Variants in SLC35D4 observed in about 807,000 individuals in gnomAD.
SLC35D4 encodes UDP-N-acetylglucosamine transporter SLC35D4.
the SLC35D4 span, chr18:23,371,431 G>A: frequency 1.3e-6 from 2 of 1,591,704 alleles, no homozygotes; most frequent in Non-Finnish European, 8.5e-7. Context: ...CCTACACAGA[G>A]TAAGTGAATT....
the SLC35D4 span, chr18:23,430,780 A>T: frequency 9.0e-7 from 1 of 1,112,468 alleles, no homozygotes. Flanking sequence ...ACATAACCTA[A>T]GTAAATTCAA....
chr18:23,310,214 C>T, the SLC35D4 span: 34 of 985,400 alleles, frequency 3.5e-5, 1 homozygote, highest in South Asian at 1.6e-3. Context: ...TCTCTCCGTC[C>T]TCACCTAATG....
the SLC35D4 span, among the ~76,000 whole-genome samples, chr18:23,414,331 AAGGCAGGCAGGC>A: frequency 1.4e-5 from 2 of 140,450 alleles, no homozygotes; most frequent in African/African-American, 5.5e-5. Flanking sequence ...GGAAGGAAGG[AAGGCAGGCAGGC>A]AGGCAGGCAG....
the SLC35D4 span, among the ~76,000 whole-genome samples, chr18:23,262,394 C>T: frequency 6.6e-6 from 1 of 152,212 alleles, no homozygotes; most frequent in Non-Finnish European, 1.5e-5. Context: ...AGGATGGTGG[C>T]AAGTCAGGGT....
the SLC35D4 span, among the ~76,000 whole-genome samples, chr18:23,405,941 T>C: frequency 3.9e-5 from 6 of 152,340 alleles, no homozygotes; most frequent in African/African-American, 1.4e-4. Flanking sequence ...CCAGGTAGCA[T>C]AGAGACAAGG....
chr18:23,357,129 T>C, the SLC35D4 span, among the ~76,000 whole-genome samples: 1 of 152,166 alleles, frequency 6.6e-6, no homozygotes, highest in Non-Finnish European at 1.5e-5. Context: ...TAAAAGAATC[T>C]TTTTCAAGAC....
the SLC35D4 span, among the ~76,000 whole-genome samples, chr18:23,426,483 G>A: frequency 1.3e-5 from 2 of 152,190 alleles, no homozygotes; most frequent in South Asian, 2.1e-4. Flanking sequence ...CCTCTCCAAG[G>A]AGAACTACAA....
the SLC35D4 span, among the ~76,000 whole-genome samples, chr18:23,357,660 C>T: frequency 1.3e-5 from 2 of 152,158 alleles, no homozygotes; most frequent in Admixed American, 1.3e-4. Context: ...CACCACTACG[C>T]TATTAATCAA....
At chr18:23,417,427 C>T in the SLC35D4 span, among the ~76,000 whole-genome samples, 1 of 152,166 alleles carries the variant, frequency 6.6e-6, no homozygotes, top group Middle Eastern at 3.4e-3. Flanking sequence ...CACCAAAGAA[C>T]AAATATTGTA....
chr18:23,437,899 C>G, the SLC35D4 span: 2 of 1,574,688 alleles, frequency 1.3e-6, no homozygotes, highest in South Asian at 1.1e-5. Context: ...CTGCCCAAAT[C>G]CCCTGGCCGC....
At chr18:23,285,203 G>A in the SLC35D4 span, among the ~76,000 whole-genome samples, 1 of 150,714 alleles carries the variant, frequency 6.6e-6, no homozygotes, top group African/African-American at 2.4e-5. Context: ...TCCATGCCCC[G>A]ACCCCTGTCC....
chr18:23,384,867 G>A, the SLC35D4 span: 1 of 761,544 alleles, frequency 1.3e-6, no homozygotes, highest in South Asian at 1.6e-5. Context: ...ATCACTATCA[G>A]GTAATCTTGC....
At chr18:23,264,201 T>C in the SLC35D4 span, among the ~76,000 whole-genome samples, 3,658 of 152,238 alleles carry the variant, frequency 0.024, 133 homozygotes, top group African/African-American at 0.083. Flanking sequence ...AAAAGAGGCT[T>C]AATTGCCTGC....
the SLC35D4 span, chr18:23,257,332 A>G: frequency 3.1e-6 from 5 of 1,613,496 alleles, no homozygotes; most frequent in Non-Finnish European, 4.2e-6. Flanking sequence ...GCACGAAGTC[A>G]TGCCCCACTA....
chr18:23,377,739 AT>A, the SLC35D4 span: 3 of 1,376,154 alleles, frequency 2.2e-6, no homozygotes, highest in Non-Finnish European at 1.9e-6. Flanking sequence ...AAAAGGAAAC[AT>A]TTTGATCAAG....
the SLC35D4 span, among the ~76,000 whole-genome samples, chr18:23,280,248 G>A: frequency 6.6e-6 from 1 of 152,270 alleles, no homozygotes; most frequent in African/African-American, 2.4e-5. Context: ...ACCAAGCCCA[G>A]CACAAGCAGA....
chr18:23,309,541 G>T, the SLC35D4 span: 2 of 668,954 alleles, frequency 3.0e-6, no homozygotes, highest in Non-Finnish European at 5.1e-6. Context: ...AGAAAGCTTC[G>T]CTAATATGAG....
the SLC35D4 span, among the ~76,000 whole-genome samples, chr18:23,248,512 C>CTTTTTTTTTTTTTTTTTTTTTT: frequency 1.1e-5 from 1 of 90,714 alleles, no homozygotes; most frequent in Non-Finnish European, 2.1e-5. Context: ...GACCCTATGT[C>CTTTTTTTTTTTTTTTTTTTTTT]TTTTTTTTTT....
At chr18:23,254,407 C>T in the SLC35D4 span, among the ~76,000 whole-genome samples, 1 of 152,298 alleles carries the variant, frequency 6.6e-6, no homozygotes, top group South Asian at 2.1e-4. Flanking sequence ...AAGGAAACAT[C>T]GATCTCCTTG....
Sources: gnomAD v4.1 joint callset for allele counts (sites outside exome capture counted in the v4.1 genomes callset) on GRCh38, gnomAD v4.1.1 for gene constraint, MANE v1.5 for transcripts, NCBI Gene and HGNC (gene_info 2026-07-23, HGNC 2026-07-21) for gene names.